DIP2C: variants seen among roughly 807,000 people sequenced by gnomAD.
The protein encoded by DIP2C is DIP2 acetate--CoA ligase C (putative), also known as disco-interacting protein 2 homolog C.
DIP2C carries 33 observed loss-of-function variants against 192.4 expected under a neutral mutation model. The observed-to-expected ratio is 0.17, with a 90% CI of 0.13 to 0.23. The LOEUF is 0.23. DIP2C is among the 10% of genes least tolerant of loss of function. The pLI, the probability that DIP2C is intolerant of heterozygous loss-of-function variation, is 1.00. For synonymous variants in DIP2C, 979 were observed against 864.1 expected (o/e 1.13, Z -2.33); for missense variants, 1,537 against 2,110.1 (o/e 0.73, Z 5.32).
At chr10:382,864 G>T (rs1962505951) in intron 16 of DIP2C, 103 bp from the exon 17 acceptor site, 1 of 678,504 alleles carries the variant, frequency 1.5e-6, no homozygotes, top group Non-Finnish European at 2.4e-6. Flanking sequence ...AGGCACAAGT[G>T]GATCTAGGCA....
intron 1 of DIP2C, among the ~76,000 whole-genome samples, chr10:537,450 C>T (rs1456275766): frequency 6.6e-6 from 1 of 152,190 alleles, no homozygotes; most frequent in Non-Finnish European, 1.5e-5. Flanking sequence ...TCTTTTCTTC[C>T]CACAAGTAGC....
chr10:618,422 G>A (rs1052033385), intron 1 of DIP2C, among the ~76,000 whole-genome samples: 2 of 152,192 alleles, frequency 1.3e-5, no homozygotes, highest in African/African-American at 4.8e-5. Context: ...GCAGGCCCCT[G>A]GAGGAGCAAG....
chr10:582,424 GAAAAGA>G (rs1850727910), intron 1 of DIP2C, among the ~76,000 whole-genome samples: 1 of 152,164 alleles, frequency 6.6e-6, no homozygotes, highest in Non-Finnish European at 1.5e-5. Context: ...CTGCAACAAA[GAAAAGA>G]AAGTTAGCCA....
Position 601,910 on chromosome 10 carries a change from T to G in DIP2C, c.85+87584A>C, listed in dbSNP as rs141599157. On this transcript the variant is annotated intron_variant, in intron 1 of 36. Coordinates refer to ENST00000280886, the MANE Select transcript of DIP2C (RefSeq NM_014974.3). The stretch of plus-strand genomic sequence containing the variant: ...AGAACGGGAGGAACCAAGATTTGGC[T>G]AACACGCGTTTTGTTCTGATTGATC... Among the ~76,000 whole-genome samples, 19 of 152,312 alleles carry G rather than the reference T, an allele frequency of 1.2e-4. No homozygotes were observed. In the East Asian group the frequency reaches 3.5e-3, roughly 28 times the overall value.
intron 4 of DIP2C, among the ~76,000 whole-genome samples, chr10:423,378 T>C (rs1001148110): frequency 6.6e-6 from 1 of 152,216 alleles, no homozygotes; most frequent in Non-Finnish European, 1.5e-5. Context: ...CCGCGTTTCC[T>C]AGGGGATGCT....
chr10:440,251 T>G (rs751008988), intron 4 of DIP2C, among the ~76,000 whole-genome samples: 6 of 152,198 alleles, frequency 3.9e-5, no homozygotes, highest in Non-Finnish European at 8.8e-5. Context: ...GGTTGGCACA[T>G]CTGTGCACCA....
chr10:525,176 G>A (rs554140623), intron 1 of DIP2C, among the ~76,000 whole-genome samples: 23 of 152,174 alleles, frequency 1.5e-4, no homozygotes, highest in Non-Finnish European at 2.2e-4. Flanking sequence ...TATCTCTTTT[G>A]TTTAAATGTA....
intron 6 of DIP2C, among the ~76,000 whole-genome samples, chr10:418,680 TTC>T (rs2133138928): frequency 6.6e-6 from 1 of 152,380 alleles, no homozygotes; most frequent in South Asian, 2.1e-4. Context: ...CTGACAGTAA[TTC>T]TGTTGTACAT....
intron 17 of DIP2C, among the ~76,000 whole-genome samples, chr10:376,626 T>C (rs1335543089): frequency 6.6e-6 from 1 of 151,422 alleles, no homozygotes; most frequent in African/African-American, 2.4e-5. Context: ...CAAAGGTTTC[T>C]CTTTTAGATG....
At chr10:446,532 C>T (rs969530763) in intron 3 of DIP2C, among the ~76,000 whole-genome samples, 4 of 152,226 alleles carry the variant, frequency 2.6e-5, no homozygotes, top group Non-Finnish European at 5.9e-5. Context: ...TTCGGTAAAT[C>T]AAGTGTCTCA....
intron 1 of DIP2C, among the ~76,000 whole-genome samples, chr10:491,030 G>C (rs1162344613): frequency 1.3e-5 from 2 of 152,236 alleles, no homozygotes; most frequent in Admixed American, 6.5e-5. Flanking sequence ...GGAAAGGTCT[G>C]CCTGGCAAAC....
chr10:324,806 G>A (rs967681719), intron 31 of DIP2C: 1 of 427,860 alleles, frequency 2.3e-6, no homozygotes, highest in East Asian at 7.1e-5. Flanking sequence ...CCGAGGTAAG[G>A]ACGGTGGCAC....
chr10:501,461 G>A (rs117892966), intron 1 of DIP2C, among the ~76,000 whole-genome samples: 38 of 152,230 alleles, frequency 2.5e-4, no homozygotes, highest in Non-Finnish European at 4.6e-4. Flanking sequence ...AAGCACATAT[G>A]TATTCAAGGA....
chr10:371,680 A>C (rs919712629), intron 17 of DIP2C, among the ~76,000 whole-genome samples: 3 of 151,910 alleles, frequency 2.0e-5, no homozygotes, highest in Admixed American at 2.0e-4. Flanking sequence ...TGAGCTGAGC[A>C]GCACCCGAGG....
intron 17 of DIP2C, among the ~76,000 whole-genome samples, chr10:381,899 T>C (rs1406520746): frequency 6.6e-6 from 1 of 152,210 alleles, no homozygotes; most frequent in Non-Finnish European, 1.5e-5. Flanking sequence ...ACCTTCCCTC[T>C]GGACCAGCCT....
At chr10:333,152 C>A (rs141690417) in intron 29 of DIP2C, among the ~76,000 whole-genome samples, 1 of 152,196 alleles carries the variant, frequency 6.6e-6, no homozygotes, top group African/African-American at 2.4e-5. Context: ...ATCCACCCAC[C>A]TCAGCCTCCC....
At chr10:459,707 C>T (rs1812034967) in intron 3 of DIP2C, among the ~76,000 whole-genome samples, 1 of 149,704 alleles carries the variant, frequency 6.7e-6, no homozygotes, top group Non-Finnish European at 1.5e-5. Context: ...TAGGATCTTC[C>T]CACAATCACA....
intron 1 of DIP2C, among the ~76,000 whole-genome samples, chr10:670,398 G>A (rs1194706291): frequency 2.0e-5 from 3 of 150,302 alleles, no homozygotes; most frequent in Admixed American, 1.3e-4. Flanking sequence ...ACACGCATAC[G>A]TAAGTATCAT....
At chr10:650,143 A>T in intron 1 of DIP2C, 1 of 717,370 alleles carries the variant, frequency 1.4e-6, no homozygotes, top group South Asian at 1.5e-5. Flanking sequence ...AGGACCCCCC[A>T]GGAGAGAGAA....
Sources: allele counts gnomAD v4.1 joint callset (sites outside exome capture counted in the v4.1 genomes callset), GRCh38; gene constraint gnomAD v4.1.1; transcripts MANE v1.5; gene names NCBI Gene and HGNC (gene_info 2026-07-23, HGNC 2026-07-21).